SLC71A2: variants seen among roughly 807,000 people sequenced by gnomAD.
The protein encoded by SLC71A2 is hippocampus abundant transcript-like 1.
At chr9:94,459,118 C>CT in the SLC71A2 span, 2 of 1,589,316 alleles carry the variant, frequency 1.3e-6, no homozygotes, top group Non-Finnish European at 8.6e-7. Context: ...AGTTAAAAGA[C>CT]TAACTGTATT....
At chr9:94,440,160 A>AT in the SLC71A2 span, among the ~76,000 whole-genome samples, 197 of 147,326 alleles carry the variant, frequency 1.3e-3, no homozygotes, top group Middle Eastern at 3.6e-3. Flanking sequence ...CTTTTCTCTT[A>AT]TTTTTTTTTT....
the SLC71A2 span, among the ~76,000 whole-genome samples, chr9:94,425,580 G>A: frequency 4.6e-5 from 7 of 152,260 alleles, no homozygotes; most frequent in East Asian, 1.9e-4. Flanking sequence ...CCAGTTTATC[G>A]ATCTGGGTGG....
At chr9:94,433,551 C>T in the SLC71A2 span, among the ~76,000 whole-genome samples, 1 of 151,050 alleles carries the variant, frequency 6.6e-6, no homozygotes, top group South Asian at 2.1e-4. Context: ...GACATCCTCC[C>T]ATTTGGGTAC....
At chr9:94,382,242 G>C in the SLC71A2 span, among the ~76,000 whole-genome samples, 1 of 151,968 alleles carries the variant, frequency 6.6e-6, no homozygotes, top group Non-Finnish European at 1.5e-5. Context: ...GCCCAGACTG[G>C]TCTTGAACTC....
chr9:94,391,775 G>A, the SLC71A2 span, among the ~76,000 whole-genome samples: 1 of 151,268 alleles, frequency 6.6e-6, no homozygotes, highest in Admixed American at 6.6e-5. Context: ...TGTAGTCCCA[G>A]CTACTTGGGA....
the SLC71A2 span, chr9:94,458,310 G>T: frequency 1.3e-6 from 2 of 1,597,694 alleles, no homozygotes; most frequent in Non-Finnish European, 1.7e-6. Flanking sequence ...TATTTTCTTT[G>T]TTCTGATTTA....
the SLC71A2 span, among the ~76,000 whole-genome samples, chr9:94,442,558 A>G: frequency 6.6e-6 from 1 of 152,172 alleles, no homozygotes; most frequent in Non-Finnish European, 1.5e-5. Flanking sequence ...GGAACACCAA[A>G]AACAAAAATA....
At chr9:94,442,648 C>T in the SLC71A2 span, among the ~76,000 whole-genome samples, 10 of 151,678 alleles carry the variant, frequency 6.6e-5, no homozygotes, top group African/African-American at 9.7e-5. Context: ...GTCAAGAAAT[C>T]GAGACCATCC....
chr9:94,420,204 C>T, the SLC71A2 span, among the ~76,000 whole-genome samples: 2 of 152,174 alleles, frequency 1.3e-5, no homozygotes, highest in South Asian at 4.1e-4. Flanking sequence ...CCTCTTGTGG[C>T]TGTCTCACCT....
chr9:94,374,749 GCACCGCCGCCGCCTCCGCGGCGT>G, the SLC71A2 span: 3 of 211,208 alleles, frequency 1.4e-5, no homozygotes, highest in African/African-American at 7.1e-5. Flanking sequence ...GAGGGCGCGG[GCACCGCCGCCGCCTCCGCGGCGT>G]CGCCGTCGTC....
chr9:94,382,881 G>A, the SLC71A2 span, among the ~76,000 whole-genome samples: 14 of 151,894 alleles, frequency 9.2e-5, no homozygotes, highest in Admixed American at 8.5e-4. Flanking sequence ...TTTTAGTAGA[G>A]GCGGGGTTTC....
At chr9:94,438,754 G>A in the SLC71A2 span, among the ~76,000 whole-genome samples, 7 of 152,134 alleles carry the variant, frequency 4.6e-5, no homozygotes, top group African/African-American at 1.7e-4. Flanking sequence ...AGTTACTTAG[G>A]TGAAGAAGTA....
chr9:94,459,236 A>T, the SLC71A2 span: 1 of 1,614,112 alleles, frequency 6.2e-7, no homozygotes, highest in Non-Finnish European at 8.5e-7. Context: ...TGCCTTATTC[A>T]TTCCTGAATA....
At chr9:94,395,427 A>G in the SLC71A2 span, among the ~76,000 whole-genome samples, 1 of 143,182 alleles carries the variant, frequency 7.0e-6, no homozygotes, top group Non-Finnish European at 1.5e-5. Flanking sequence ...ATTTGATAAT[A>G]AGGGGATTTA....
chr9:94,456,894 C>G, the SLC71A2 span, among the ~76,000 whole-genome samples: 1 of 152,060 alleles, frequency 6.6e-6, no homozygotes, highest in Non-Finnish European at 1.5e-5. Context: ...CCTTCCCATG[C>G]CTCTGCTTCC....
At chr9:94,445,259 C>A in the SLC71A2 span, 3 of 1,156,496 alleles carry the variant, frequency 2.6e-6, no homozygotes, top group South Asian at 1.4e-5. Flanking sequence ...TATGTGCAGC[C>A]TCAAGGATCC....
At chr9:94,445,182 G>A in the SLC71A2 span, 12 of 1,600,380 alleles carry the variant, frequency 7.5e-6, no homozygotes, top group Non-Finnish European at 9.4e-6. Context: ...ACCCTTTTGC[G>A]GTAAATAAAA....
chr9:94,410,549 T>C, the SLC71A2 span, among the ~76,000 whole-genome samples: 1 of 151,984 alleles, frequency 6.6e-6, no homozygotes, highest in African/African-American at 2.4e-5. Context: ...TGATGTTGCA[T>C]TGTATAAATG....
At chr9:94,377,981 G>C in the SLC71A2 span, among the ~76,000 whole-genome samples, 1 of 152,014 alleles carries the variant, frequency 6.6e-6, no homozygotes, top group East Asian at 1.9e-4. Flanking sequence ...GCAGGCGCCT[G>C]TAGTCCCAGC....
Sources: allele counts gnomAD v4.1 joint callset (sites outside exome capture counted in the v4.1 genomes callset), GRCh38; gene constraint gnomAD v4.1.1; transcripts MANE v1.5; gene names NCBI Gene and HGNC (gene_info 2026-07-23, HGNC 2026-07-21).